The following MBD5 variants were observed in gnomAD, a reference collection of about 807,000 sequenced individuals.
MBD5 encodes the protein methyl-CpG binding domain protein 5.
In MBD5, 13 loss-of-function variants were observed where a neutral mutation model predicts 117.3. The ratio of observed to expected loss-of-function variants is 0.11; its 90% CI spans 0.07 to 0.18. MBD5 has a LOEUF of 0.18. MBD5 is among the 10% of genes least tolerant of loss of function. MBD5 has a pLI of 1.00. For missense variants in MBD5, 1,879 were observed against 2,093.8 expected, an observed-to-expected ratio of 0.90 and a Z score of 2.00; for synonymous variants, 727 against 766.4, an observed-to-expected ratio of 0.95 and a Z score of 0.85.
intron 4 of MBD5, among the ~76,000 whole-genome samples, chr2:148,354,555 G>A (rs1272340773): frequency 5.9e-5 from 9 of 152,162 alleles, no homozygotes; most frequent in East Asian, 1.9e-4. Context: ...TTGCTATTGC[G>A]AATAGTGCTG....
chr2:148,218,012 G>T (rs184055423), intron 2 of MBD5, among the ~76,000 whole-genome samples: 1 of 152,208 alleles, frequency 6.6e-6, no homozygotes, highest in East Asian at 1.9e-4. Context: ...TGTGTATATA[G>T]ACAATATAGA....
chr2:148,483,264 T>G lies in MBD5; in HGVS notation c.2673T>G (p.Phe891Leu). ...SQLPIGSDFP[F>L]VGQEHALHFP... ...TACCCATTGGGAGTGATTTTCCTTT[T>G]GTTGGCCAGGAGCACGCACTTCATT... is the stretch of plus-strand genomic sequence containing the variant. The change falls in exon 9 of 14, where the codon TTT becomes TTG. Residue 891 changes from phenylalanine (F) to leucine (L), a missense_variant. Phe to Leu is a conservative substitution (Grantham distance 22). Around this residue, in one of 4 missense-constraint regions of MBD5, gnomAD observed 1,666 missense variants for 1,792.2 expected, o/e 0.93. Transcript: ENST00000642680. The G allele has an allele frequency of 6.2e-7, 1 of 1,614,106 alleles. No homozygotes were observed. Among genetic ancestry groups the G allele is most frequent in the Non-Finnish European group, 8.5e-7 (1 of 1,180,020 alleles).
intron 3 of MBD5, among the ~76,000 whole-genome samples, chr2:148,246,763 CAAAAAAA>C (rs71406014): frequency 1.1e-4 from 8 of 70,138 alleles, no homozygotes; most frequent in African/African-American, 4.8e-4. Flanking sequence ...GACTCCATCT[CAAAAAAA>C]AAAAAAAAAA....
At chr2:148,340,708 A>T (rs1702915055) in intron 3 of MBD5, among the ~76,000 whole-genome samples, 1 of 152,022 alleles carries the variant, frequency 6.6e-6, no homozygotes, top group Non-Finnish European at 1.5e-5. Flanking sequence ...AATAATATAT[A>T]CCTCATAGGA....
intron 12 of MBD5, among the ~76,000 whole-genome samples, 158 bp from the exon 13 acceptor site, chr2:148,509,901 AG>A (rs1682165153): frequency 6.6e-6 from 1 of 152,248 alleles, no homozygotes; most frequent in Non-Finnish European, 1.5e-5. Context: ...TTCAGTGATA[AG>A]AATCCCAGAG....
At chr2:148,029,389 G>A (rs942397988) in intron 1 of MBD5, among the ~76,000 whole-genome samples, 4 of 151,878 alleles carry the variant, frequency 2.6e-5, no homozygotes, top group Non-Finnish European at 4.4e-5. Context: ...CAATTTATTC[G>A]AATTTTCTTC....
At chr2:148,510,925 C>G (rs1682195441) in intron 13 of MBD5, among the ~76,000 whole-genome samples, 1 of 152,108 alleles carries the variant, frequency 6.6e-6, no homozygotes, top group Non-Finnish European at 1.5e-5. Flanking sequence ...TTTCTAGGGC[C>G]AGGCAAATTA....
intron 1 of MBD5, among the ~76,000 whole-genome samples, chr2:148,153,674 C>T (rs1242177801): frequency 1.4e-5 from 2 of 139,614 alleles, no homozygotes; most frequent in African/African-American, 5.4e-5. Context: ...TCCCTTCTCG[C>T]TTCATTTCAT....
chr2:148,090,093 G>T (rs1695897443), intron 1 of MBD5, among the ~76,000 whole-genome samples: 1 of 151,874 alleles, frequency 6.6e-6, no homozygotes, highest in African/African-American at 2.4e-5. Context: ...TGAAGGAGAT[G>T]GATAAATTCC....
intron 3 of MBD5, among the ~76,000 whole-genome samples, chr2:148,288,873 C>T (rs1488273703): frequency 6.6e-6 from 1 of 152,168 alleles, no homozygotes; most frequent in Non-Finnish European, 1.5e-5. Context: ...ACCAAGACTT[C>T]TCTGTGTTTT....
At chr2:148,436,887 C>G (rs1167821703) in intron 4 of MBD5, among the ~76,000 whole-genome samples, 1 of 151,984 alleles carries the variant, frequency 6.6e-6, no homozygotes, top group Non-Finnish European at 1.5e-5. Flanking sequence ...TAAAATGAAA[C>G]TATGCCACTA....
intron 1 of MBD5, among the ~76,000 whole-genome samples, chr2:148,128,977 G>A (rs1696969592): frequency 6.6e-6 from 1 of 152,168 alleles, no homozygotes; most frequent in Non-Finnish European, 1.5e-5. Context: ...TAGTGCAAAG[G>A]TGTGATCGCT....
At chr2:148,022,603 G>A (rs1475978038) in intron 1 of MBD5, among the ~76,000 whole-genome samples, 1 of 152,118 alleles carries the variant, frequency 6.6e-6, no homozygotes, top group African/African-American at 2.4e-5. Context: ...TCAATAGTTT[G>A]CTGGATTGGT....
At chr2:148,324,053 T>A (rs567983835) in intron 3 of MBD5, among the ~76,000 whole-genome samples, 2 of 152,106 alleles carry the variant, frequency 1.3e-5, no homozygotes, top group Admixed American at 1.3e-4. Context: ...TTACAGCTTT[T>A]TACATATGGC....
chr2:148,036,626 C>G (rs1465860695), intron 1 of MBD5, among the ~76,000 whole-genome samples: 1 of 151,992 alleles, frequency 6.6e-6, no homozygotes, highest in African/African-American at 2.4e-5. Flanking sequence ...TGAACTAGGT[C>G]AAAAACTCCT....
intron 4 of MBD5, among the ~76,000 whole-genome samples, chr2:148,438,023 A>G (rs1559071016): frequency 6.6e-6 from 1 of 152,224 alleles, no homozygotes; most frequent in African/African-American, 2.4e-5. Flanking sequence ...TACACCCACA[A>G]TGTTTTCACA....
intron 1 of MBD5, among the ~76,000 whole-genome samples, chr2:148,135,210 G>A (rs953516914): frequency 3.3e-5 from 5 of 152,102 alleles, no homozygotes; most frequent in African/African-American, 7.2e-5. Context: ...AAATATGTCC[G>A]GTTGTATGAC....
At chr2:148,389,038 A>T (rs1359536443) in intron 4 of MBD5, among the ~76,000 whole-genome samples, 1 of 150,710 alleles carries the variant, frequency 6.6e-6, no homozygotes, top group African/African-American at 2.4e-5. Context: ...TTTATGTCCC[A>T]TTGTTGAGCT....
At chr2:148,501,201 A>C (rs1311073383) in intron 11 of MBD5, among the ~76,000 whole-genome samples, 2 of 152,236 alleles carry the variant, frequency 1.3e-5, no homozygotes, top group Admixed American at 6.5e-5. Context: ...TGTTAATCAT[A>C]ACTGTGTTCT....
Sources: allele counts gnomAD v4.1 joint callset (sites outside exome capture counted in the v4.1 genomes callset), GRCh38; gene constraint gnomAD v4.1.1; regional missense constraint gnomAD v4.1.1; transcripts MANE v1.5; gene names NCBI Gene and HGNC (gene_info 2026-07-23, HGNC 2026-07-21).